Variants in NFATC1 observed in about 807,000 individuals in gnomAD.
NFATC1 encodes the protein nuclear factor of activated T-cells, cytoplasmic 1.
Under a neutral mutation model 76.0 loss-of-function variants are expected in NFATC1, and 22 were observed. The observed-to-expected ratio is 0.29, with a 90% CI of 0.21 to 0.41. The LOEUF (loss-of-function observed/expected upper bound fraction) is 0.41, where lower values mean the gene tolerates loss of function less well. Ranked by LOEUF, NFATC1 falls within the 10% of genes least tolerant of loss-of-function variation. The pLI is 1.00. For missense variants in NFATC1, 1,357 were observed against 1,337.7 expected (o/e 1.01, Z -0.23); for synonymous variants, 704 against 613.1 (o/e 1.15, Z -2.19).
At chr18:79,497,217 C>T (rs1309115568) in intron 9 of NFATC1, 1 of 152,236 alleles carries the variant, frequency 6.6e-6, no homozygotes, top group East Asian at 1.9e-4. Context: ...TGAATCAGCT[C>T]TCCCCCAAAG....
rs989673763 is a variant in NFATC1 at position 79,467,503 on chromosome 18, C to T, written c.2013C>T (p.Pro671=). The T allele has an allele frequency of 1.1e-5, 18 of 1,613,380 alleles. No homozygotes were observed. The highest frequency in any genetic ancestry group is 1.5e-5 in the Non-Finnish European group (18 of 1,179,528). The part of the protein sequence containing the change: ...PPFRNQRITS[P]VHVSFYVCNG... Reference sequence around the variant, plus strand: ...TTCGGAATCAGAGGATAACCAGCCCCGTTCACGTCAGTTTCTACGTCTGCA... The same window carrying T: ...TTCGGAATCAGAGGATAACCAGCCCTGTTCACGTCAGTTTCTACGTCTGCA... Residue 671 remains proline (P), a synonymous_variant, in exon 8 of 10, where the codon CCC becomes CCT. Coordinates refer to ENST00000427363, the MANE Select transcript of NFATC1 (RefSeq NM_001278669.2).
At chr18:79,400,342 C>T (rs763196282) in intron 1 of NFATC1, 25 of 1,394,078 alleles carry the variant, frequency 1.8e-5, no homozygotes, top group East Asian at 1.6e-4. Flanking sequence ...AGAACCGAAC[C>T]CCTGGCGGCC....
chr18:79,413,754 C>G (rs999137937), intron 2 of NFATC1, among the ~76,000 whole-genome samples: 2 of 152,220 alleles, frequency 1.3e-5, no homozygotes, highest in Admixed American at 1.3e-4. Context: ...AAGGTGTCCG[C>G]AGGGATGTCG....
chr18:79,417,943 TACCA>T (rs1355348018), intron 2 of NFATC1, among the ~76,000 whole-genome samples: 60 of 148,092 alleles, frequency 4.1e-4, no homozygotes, highest in Non-Finnish European at 6.9e-4. Context: ...AGATGGGCTA[TACCA>T]GGAGATGGGC....
chr18:79,498,337 A>G (rs988946148), intron 9 of NFATC1: 3 of 149,000 alleles, frequency 2.0e-5, no homozygotes, highest in South Asian at 2.1e-4. Flanking sequence ...GAGAATATCC[A>G]TAATGAGATT....
At chr18:79,455,129 G>A (rs1040570236) in intron 6 of NFATC1, among the ~76,000 whole-genome samples, 4 of 152,258 alleles carry the variant, frequency 2.6e-5, no homozygotes, top group Non-Finnish European at 5.9e-5. Flanking sequence ...GCCAGTTCTC[G>A]ATGCTGGAGC....
chr18:79,518,551 G>T (rs1201756377), intron 9 of NFATC1, among the ~76,000 whole-genome samples: 1 of 152,172 alleles, frequency 6.6e-6, no homozygotes, highest in African/African-American at 2.4e-5. Flanking sequence ...GGGTGTCCTT[G>T]ACAAGTGTTT....
rs202150081 is a variant in NFATC1, at chr18:79,438,853, C to T, written c.1386+5115C>T. ...TGCCCACAGTGGCCTTGGTGGGCCT[C>T]TCCTTCCATTGCCCAGCTTGTAGGT... On this transcript the variant is annotated intron_variant, in intron 3 of 9. Coordinates refer to ENST00000427363, the MANE Select transcript of NFATC1 (RefSeq NM_001278669.2). Among the ~76,000 whole-genome samples the T allele has an allele frequency of 7.2e-5, 11 of 152,336 alleles. No individual in the cohort carries two copies. In the East Asian group the frequency reaches 2.1e-3, roughly 30 times the overall value.
chr18:79,525,542 T>C (rs2145247001), intron 9 of NFATC1, among the ~76,000 whole-genome samples: 1 of 150,142 alleles, frequency 6.7e-6, no homozygotes, highest in Non-Finnish European at 1.5e-5. Context: ...CGTCCCACCG[T>C]CGTTACCTCT....
chr18:79,432,190 C>T (rs143839247), intron 2 of NFATC1, among the ~76,000 whole-genome samples: 4 of 152,344 alleles, frequency 2.6e-5, no homozygotes, highest in Non-Finnish European at 5.9e-5. Flanking sequence ...TTAAAACTGA[C>T]GTAGAATGAT....
chr18:79,472,154 G>A (rs1445919775), intron 8 of NFATC1, among the ~76,000 whole-genome samples: 2 of 152,126 alleles, frequency 1.3e-5, no homozygotes, highest in Admixed American at 6.5e-5. Context: ...TGAGCCGTGG[G>A]GGGGCGGGGG....
chr18:79,400,459 GCGCCGCCGCGGC>G (rs1473323294), intron 1 of NFATC1: 1 of 1,488,732 alleles, frequency 6.7e-7, no homozygotes, highest in Non-Finnish European at 8.9e-7. Context: ...CGCGACGAGG[GCGCCGCCGCGGC>G]CGCCCCAGGT....
At chr18:79,445,229 G>A (rs1032684090) in intron 3 of NFATC1, among the ~76,000 whole-genome samples, 6 of 152,332 alleles carry the variant, frequency 3.9e-5, no homozygotes, top group African/African-American at 1.2e-4. Context: ...TTGGTGTGCC[G>A]TGGGTCACGT....
chr18:79,504,224 C>T (rs1001948892), intron 9 of NFATC1, among the ~76,000 whole-genome samples: 1 of 152,354 alleles, frequency 6.6e-6, no homozygotes, highest in South Asian at 2.1e-4. Context: ...CAGCCTGTCT[C>T]GGCTTTCGAC....
chr18:79,501,350 C>G (rs2090009272), intron 9 of NFATC1, among the ~76,000 whole-genome samples: 1 of 151,812 alleles, frequency 6.6e-6, no homozygotes, highest in African/African-American at 2.4e-5. Context: ...AAGTCATACA[C>G]AGAAAAAAAA....
At chr18:79,400,268 CGGGGCGGGGACGGGGGGA>C (rs1352028857) in intron 1 of NFATC1, 14 of 968,756 alleles carry the variant, frequency 1.4e-5, no homozygotes, top group African/African-American at 8.9e-5. Context: ...GGGGCGGGGG[CGGGGCGGGGACGGGGGGA>C]GGGGCGGGGG....
chr18:79,435,253 C>T lies in NFATC1; in HGVS notation c.1386+1515C>T, dbSNP rs569961263. 6.6e-5 allele frequency among the ~76,000 whole-genome samples: 10 copies of T among 151,518 alleles called. No individual in the cohort carries two copies. In the South Asian group the frequency reaches 8.4e-4, roughly 13 times the overall value. On this transcript the variant is annotated intron_variant, in intron 3 of 9. Coordinates refer to ENST00000427363, the MANE Select transcript of NFATC1 (RefSeq NM_001278669.2). ...CTTTTCACTGTATCTGGATGAGGGG[C>T]GGGTGTAGGAATCGAGGCTGTTACT...
intron 3 of NFATC1, among the ~76,000 whole-genome samples, chr18:79,447,612 G>C (rs1477547664): frequency 1.3e-5 from 2 of 152,184 alleles, no homozygotes; most frequent in Admixed American, 6.5e-5. Flanking sequence ...GGCCCCACTT[G>C]GGGGATGCAG....
chr18:79,414,259 C>T (rs1180208737), intron 2 of NFATC1, among the ~76,000 whole-genome samples: 2 of 152,170 alleles, frequency 1.3e-5, no homozygotes, highest in African/African-American at 2.4e-5. Flanking sequence ...TCAGGCTGCA[C>T]AACTAGAAAG....
Sources: gnomAD v4.1 joint callset for allele counts (sites outside exome capture counted in the v4.1 genomes callset) on GRCh38, gnomAD v4.1.1 for gene constraint, MANE v1.5 for transcripts, NCBI Gene and HGNC (gene_info 2026-07-23, HGNC 2026-07-21) for gene names.